Variants in SPTBN4 observed in about 807,000 individuals in gnomAD.
The protein encoded by SPTBN4 is spectrin beta chain, non-erythrocytic 4.
SPTBN4 carries 96 observed loss-of-function variants against 277.8 expected under a neutral mutation model. The ratio of observed to expected loss-of-function variants is 0.35; its 90% CI spans 0.29 to 0.41. The LOEUF (loss-of-function observed/expected upper bound fraction) is 0.41, where lower values mean the gene tolerates loss of function less well. SPTBN4 is among the 10% of genes least tolerant of loss of function. The pLI, the probability that SPTBN4 is intolerant of heterozygous loss-of-function variation, is 1.00. For missense variants in SPTBN4, 3,006 were observed against 3,595.7 expected, an observed-to-expected ratio of 0.84 and a Z score of 4.19; for synonymous variants, 1,481 against 1,580.3, an observed-to-expected ratio of 0.94 and a Z score of 1.49.
intron 26 of SPTBN4, among the ~76,000 whole-genome samples, chr19:40,557,909 A>G (rs1433820711): frequency 1.5e-5 from 2 of 130,438 alleles, no homozygotes; most frequent in African/African-American, 3.0e-5. Flanking sequence ...CAAGAGTGAT[A>G]CTCTGTCTCA....
At position 40,505,914 on chromosome 19, in the gene SPTBN4, A is replaced by G. The variant is rs543763647; in HGVS notation, c.1666-322A>G. Reference sequence around the variant, plus strand: ...GAGAGTGAGCCACTGTGACAGAGACAGAGCCCAGAAATGTGGAGTCCACGA... The same window carrying G: ...GAGAGTGAGCCACTGTGACAGAGACGGAGCCCAGAAATGTGGAGTCCACGA... On this transcript the variant is annotated intron_variant, in intron 12 of 35. Coordinates refer to ENST00000598249, the MANE Select transcript of SPTBN4 (RefSeq NM_020971.3). 3.9e-5 allele frequency among the ~76,000 whole-genome samples: 6 copies of G among 152,342 alleles called. No individual in the cohort carries two copies. The East Asian group carries it at 1.2e-3, about 29-fold the overall frequency.
At chr19:40,503,415 C>T (rs968484094) in intron 11 of SPTBN4, among the ~76,000 whole-genome samples, 3 of 150,366 alleles carry the variant, frequency 2.0e-5, no homozygotes, top group South Asian at 2.1e-4. Flanking sequence ...TGGGGCTGGT[C>T]TCTGGGGAAA....
At chr19:40,571,713 G>A (rs991903173) in intron 33 of SPTBN4, 1 of 266,996 alleles carries the variant, frequency 3.7e-6, no homozygotes, top group South Asian at 1.5e-4. Flanking sequence ...GAGTGGGGAG[G>A]ATTGAGTGGA....
chr19:40,484,942 C>A (rs897108769), intron 2 of SPTBN4, among the ~76,000 whole-genome samples: 4 of 128,656 alleles, frequency 3.1e-5, no homozygotes, highest in African/African-American at 3.9e-5. Flanking sequence ...AAAAAAAAAA[C>A]AAAACAAAAA....
intron 29 of SPTBN4, 91 bp from the exon 30 acceptor site, chr19:40,566,072 C>A: frequency 7.5e-7 from 1 of 1,341,804 alleles, no homozygotes; most frequent in Non-Finnish European, 1.0e-6. Flanking sequence ...TATGGAAAGC[C>A]GGAGGGGTGT....
intron 18 of SPTBN4, among the ~76,000 whole-genome samples, chr19:40,531,629 T>C (rs2080675691): frequency 6.6e-6 from 1 of 150,408 alleles, no homozygotes. Flanking sequence ...GGTTTTTTAC[T>C]GGAGGGGGTT....
intron 20 of SPTBN4, among the ~76,000 whole-genome samples, chr19:40,536,887 G>A (rs1034577351): frequency 6.6e-5 from 10 of 152,194 alleles, no homozygotes; most frequent in African/African-American, 2.4e-4. Flanking sequence ...TGGGGCTCAA[G>A]TGATGCTCCT....
At chr19:40,510,549 C>T (rs2080379472) in intron 13 of SPTBN4, among the ~76,000 whole-genome samples, 1 of 152,148 alleles carries the variant, frequency 6.6e-6, no homozygotes, top group African/African-American at 2.4e-5. Flanking sequence ...AAGTGATCTG[C>T]CTGCTTCGGC....
At chr19:40,565,023 G>A (rs1406325699) in intron 27 of SPTBN4, among the ~76,000 whole-genome samples, 1 of 151,924 alleles carries the variant, frequency 6.6e-6, no homozygotes, top group Non-Finnish European at 1.5e-5. Context: ...CCAGCACTTT[G>A]GGAGACTGAG....
In SPTBN4 at chr19:40,503,889, C is replaced by T. The variant is rs759071260; in HGVS notation, c.1422C>T (p.Ile474=). The change falls in exon 12 of 36, where the codon ATC becomes ATT. Residue 474 remains isoleucine (I), a synonymous_variant. Coordinates refer to ENST00000598249, the MANE Select transcript of SPTBN4 (RefSeq NM_020971.3). ...CAGCCATGAAGAAACACGAAGCGAT[C>T]GAGGCAGACATTGCGGCCTACGAGG... The part of the protein sequence containing the change: ...VEAAMKKHEA[I]EADIAAYEER... The T allele has an allele frequency of 4.3e-6, 7 of 1,610,510 alleles. No individual in the cohort carries two copies. The highest frequency in any genetic ancestry group is 4.5e-5 in the East Asian group (2 of 44,750).
chr19:40,533,662 C>G (rs1324112830), intron 19 of SPTBN4, among the ~76,000 whole-genome samples: 1 of 151,948 alleles, frequency 6.6e-6, no homozygotes, highest in Non-Finnish European at 1.5e-5. Context: ...CTGGCTCCCT[C>G]TATCTTTCTT....
chr19:40,515,896 A>T lies in SPTBN4; in HGVS notation c.2903+448A>T, dbSNP rs1241522521. Among the ~76,000 whole-genome samples, 1 of 145,298 alleles carries T rather than the reference A, an allele frequency of 6.9e-6. No individual in the cohort carries two copies. The highest frequency in any genetic ancestry group is 1.5e-5 in the Non-Finnish European group (1 of 66,904). ...CGCACACACACACACACACACACAC[A>T]CACAAAATATATATATACACACACA... is the stretch of plus-strand genomic sequence containing the variant. On this transcript the variant is annotated intron_variant, in intron 15 of 35. Coordinates refer to ENST00000598249, the MANE Select transcript of SPTBN4 (RefSeq NM_020971.3). The surrounding 1 kb of genome is among the most constrained non-coding windows in gnomAD (Gnocchi z 4.1).
rs1028354595 is a variant in SPTBN4, at chr19:40,490,422, C to G, written c.495+174C>G. ...ATAATTGTCACGATCACCACCATCA[C>G]GATAATCATTTTGTATCGACCCTGT... On this transcript the variant is annotated intron_variant, in intron 4 of 35. Transcript: ENST00000598249. The surrounding 1 kb of genome is among the most constrained non-coding windows in gnomAD (Gnocchi z 4.3). Among the ~76,000 whole-genome samples, 1 of 152,182 alleles carries G rather than the reference C, an allele frequency of 6.6e-6. No homozygotes were observed.
chr19:40,492,818 C>T (rs933484477), intron 4 of SPTBN4, 145 bp from the exon 5 acceptor site: 9 of 638,634 alleles, frequency 1.4e-5, no homozygotes, highest in Non-Finnish European at 2.0e-5. Context: ...TATCCTCACA[C>T]TCCTGGACCC....
chr19:40,527,827 G>A (rs370996066), intron 17 of SPTBN4, among the ~76,000 whole-genome samples: 2 of 152,130 alleles, frequency 1.3e-5, no homozygotes, highest in Non-Finnish European at 2.9e-5. Context: ...AGGCCAAGGC[G>A]GGTGGATCAC....
chr19:40,563,257 G>GCCTGTAGTC (rs1301624365), intron 27 of SPTBN4, among the ~76,000 whole-genome samples: 1 of 151,834 alleles, frequency 6.6e-6, no homozygotes, highest in Non-Finnish European at 1.5e-5. Flanking sequence ...TGTGGTGCAT[G>GCCTGTAGTC]CCTGTAGTCC....
intron 32 of SPTBN4, among the ~76,000 whole-genome samples, chr19:40,569,989 GACACACAC>G (rs59218483): frequency 1.9e-5 from 2 of 107,160 alleles, no homozygotes; most frequent in East Asian, 4.8e-4. Flanking sequence ...CACACACACA[GACACACAC>G]ACACAGACAC....
In SPTBN4 at chr19:40,489,933, A is replaced by G. The variant is rs2080117822; in HGVS notation, c.322-142A>G. ...AAGGATTGAGTCCTGTGTCTTGGAT[A>G]AAACGAGAGGAGGACAGCCTGATCC... On this transcript the variant is annotated intron_variant, in intron 3 of 35. Coordinates refer to ENST00000598249, the MANE Select transcript of SPTBN4 (RefSeq NM_020971.3). The G allele has an allele frequency of 6.3e-6, 5 of 788,996 alleles. No individual in the cohort carries two copies. In the East Asian group the frequency reaches 1.4e-4, roughly 22 times the overall value. 48.9% of individuals were successfully genotyped at this position (788,996 alleles called of 1,614,324 possible). A position where few individuals can be genotyped will look rare whatever the true frequency, so the allele number is the denominator to read the frequency against.
At chr19:40,510,685 A>G (rs1025886737) in intron 13 of SPTBN4, among the ~76,000 whole-genome samples, 27 of 152,320 alleles carry the variant, frequency 1.8e-4, no homozygotes, top group African/African-American at 4.8e-4. Context: ...GAATTACAGA[A>G]ATCCCGCATT....
Sources: allele counts gnomAD v4.1 joint callset (sites outside exome capture counted in the v4.1 genomes callset), GRCh38; gene constraint gnomAD v4.1.1; non-coding constraint Gnocchi (gnomAD v3.1); transcripts MANE v1.5; gene names NCBI Gene and HGNC (gene_info 2026-07-23, HGNC 2026-07-21).